Variants in BRD10 observed in about 807,000 individuals in gnomAD.
BRD10 encodes uncharacterized bromodomain-containing protein 10.
the BRD10 span, among the ~76,000 whole-genome samples, chr9:5,934,256 G>A: frequency 6.6e-6 from 1 of 151,812 alleles, no homozygotes; most frequent in Non-Finnish European, 1.5e-5. Flanking sequence ...TTAGATCACA[G>A]ACACATGAAG....
At chr9:6,003,985 T>G in the BRD10 span, among the ~76,000 whole-genome samples, 1,017 of 152,334 alleles carry the variant, frequency 6.7e-3, 12 homozygotes, top group African/African-American at 0.023. Flanking sequence ...ACAGAAGTAT[T>G]TGTAGTTTCC....
the BRD10 span, among the ~76,000 whole-genome samples, chr9:5,894,856 T>C: frequency 6.6e-6 from 1 of 152,118 alleles, no homozygotes; most frequent in Non-Finnish European, 1.5e-5. The surrounding 1 kb of genome is among the most constrained non-coding windows in gnomAD (Gnocchi z 4.0). Context: ...GAGCAGAGCA[T>C]AGAAAGGTAG....
the BRD10 span, among the ~76,000 whole-genome samples, chr9:5,943,063 G>C: frequency 2.0e-5 from 3 of 152,078 alleles, no homozygotes; most frequent in African/African-American, 7.2e-5. Flanking sequence ...TTTTTGTAGA[G>C]ACGGGGTCTA....
At chr9:5,894,211 G>T in the BRD10 span, among the ~76,000 whole-genome samples, 3 of 152,134 alleles carry the variant, frequency 2.0e-5, no homozygotes, top group East Asian at 5.8e-4. This position sits in a 1 kb window ranked among gnomAD's most constrained non-coding sequence, Gnocchi z 4.0. Context: ...TGCCATGTAG[G>T]GCCATCATGC....
At chr9:5,923,604 C>A in the BRD10 span, among the ~76,000 whole-genome samples, 1 of 152,288 alleles carries the variant, frequency 6.6e-6, no homozygotes, top group South Asian at 2.1e-4. Context: ...GTGCAAAAAA[C>A]TGTTTCATTA....
chr9:6,000,686 G>C, the BRD10 span, among the ~76,000 whole-genome samples: 1 of 152,102 alleles, frequency 6.6e-6, no homozygotes, highest in East Asian at 1.9e-4. Flanking sequence ...TGTAAGTTCA[G>C]CATATTTCAA....
chr9:5,971,541 C>T, the BRD10 span, among the ~76,000 whole-genome samples: 4 of 152,152 alleles, frequency 2.6e-5, no homozygotes, highest in African/African-American at 9.7e-5. Context: ...AGTAAGAACA[C>T]TACTTTGGCA....
chr9:5,881,210 A>C, the BRD10 span, among the ~76,000 whole-genome samples: 1 of 152,176 alleles, frequency 6.6e-6, no homozygotes, highest in South Asian at 2.1e-4. Flanking sequence ...GGAGACAGAA[A>C]TGAGCAGGAT....
At chr9:5,953,605 C>T in the BRD10 span, among the ~76,000 whole-genome samples, 5 of 151,910 alleles carry the variant, frequency 3.3e-5, no homozygotes, top group Non-Finnish European at 7.4e-5. Context: ...TGAAAACGAA[C>T]TATCTAGGCA....
chr9:5,907,413 G>C, the BRD10 span, among the ~76,000 whole-genome samples: 1 of 152,208 alleles, frequency 6.6e-6, no homozygotes, highest in Non-Finnish European at 1.5e-5. Flanking sequence ...TGTGCTGTCT[G>C]ATGGCTTAGC....
chr9:5,961,936 G>A, the BRD10 span, among the ~76,000 whole-genome samples: 54 of 132,274 alleles, frequency 4.1e-4, no homozygotes, highest in Non-Finnish European at 5.0e-4. Flanking sequence ...CCAGCTCCTG[G>A]ATTCATTGAT....
chr9:5,985,032 A>G, the BRD10 span, among the ~76,000 whole-genome samples: 2 of 152,192 alleles, frequency 1.3e-5, no homozygotes, highest in Non-Finnish European at 2.9e-5. Flanking sequence ...AGTTAATCAA[A>G]TCAATATAGT....
At chr9:5,937,063 C>G in the BRD10 span, among the ~76,000 whole-genome samples, 1 of 151,618 alleles carries the variant, frequency 6.6e-6, no homozygotes, top group Non-Finnish European at 1.5e-5. Context: ...ACCCCTGTCT[C>G]TATTAAAAAT....
At chr9:5,976,561 A>G in the BRD10 span, among the ~76,000 whole-genome samples, 1 of 152,194 alleles carries the variant, frequency 6.6e-6, no homozygotes, top group African/African-American at 2.4e-5. Context: ...AAAATCACTT[A>G]TTAGTTATAA....
chr9:5,905,089 CT>C, the BRD10 span, among the ~76,000 whole-genome samples: 1 of 152,108 alleles, frequency 6.6e-6, no homozygotes, highest in Non-Finnish European at 1.5e-5. Flanking sequence ...TTCTTTTTTA[CT>C]TTTTTTCAGT....
the BRD10 span, among the ~76,000 whole-genome samples, chr9:5,961,204 A>G: frequency 6.6e-6 from 1 of 152,218 alleles, no homozygotes; most frequent in East Asian, 1.9e-4. Flanking sequence ...CCTCAAAATA[A>G]CCTAGAAGTA....
chr9:5,989,779 T>C, the BRD10 span, among the ~76,000 whole-genome samples: 4 of 152,140 alleles, frequency 2.6e-5, no homozygotes, highest in African/African-American at 9.7e-5. Context: ...TCAGCCCACC[T>C]TGGCCTCCCA....
At chr9:5,897,911 T>C in the BRD10 span, among the ~76,000 whole-genome samples, 3 of 152,194 alleles carry the variant, frequency 2.0e-5, no homozygotes, top group Admixed American at 1.3e-4. Flanking sequence ...AATTTATAAA[T>C]AAATGAAATT....
the BRD10 span, among the ~76,000 whole-genome samples, chr9:6,006,315 C>T: frequency 6.6e-6 from 1 of 152,164 alleles, no homozygotes; most frequent in East Asian, 1.9e-4. Flanking sequence ...AAGTGACTTG[C>T]TCAACTTAAA....
Sources: gnomAD v4.1 joint callset for allele counts (sites outside exome capture counted in the v4.1 genomes callset) on GRCh38, gnomAD v4.1.1 for gene constraint, Gnocchi (gnomAD v3.1) non-coding constraint, MANE v1.5 for transcripts, NCBI Gene and HGNC (gene_info 2026-07-23, HGNC 2026-07-21) for gene names.